Variants in UNC13B observed in about 807,000 individuals in gnomAD.
The protein encoded by UNC13B is protein unc-13 homolog B.
A neutral mutation model predicts 211.0 loss-of-function variants in UNC13B; 144 were observed. The ratio of observed to expected loss-of-function variants is 0.68; its 90% CI spans 0.60 to 0.78. The LOEUF (loss-of-function observed/expected upper bound fraction) is 0.78. UNC13B is among the 30% of genes least tolerant of loss of function. The probability of loss-of-function intolerance (pLI) is 0.00; values close to 1 mark genes in which losing one functional copy is unlikely to be tolerated. For missense variants in UNC13B, 1,777 were observed against 2,002.0 expected (o/e 0.89, Z 2.14); for synonymous variants, 709 against 725.8 (o/e 0.98, Z 0.37).
intron 11 of UNC13B, among the ~76,000 whole-genome samples, chr9:35,320,399 C>T (rs1351887410): frequency 2.0e-5 from 3 of 152,140 alleles, no homozygotes; most frequent in African/African-American, 4.8e-5. Context: ...AGGGAGTGTA[C>T]CAATTTATAC....
rs1419839403 is a variant in UNC13B at position 35,167,493 on chromosome 9, A to G, written c.22+5188A>G. Among the ~76,000 whole-genome samples, 3 of 152,054 alleles carry G rather than the reference A, an allele frequency of 2.0e-5. 1 individual carries two copies. Among genetic ancestry groups the G allele is most frequent in the Non-Finnish European group, 4.4e-5 (3 of 68,000 alleles). The stretch of plus-strand genomic sequence containing the variant: ...TGGCTGCAGAGTATTCTGTTATATA[A>G]GCATACATAATTTAAACAGTTTTAT... On this transcript the variant is annotated intron_variant, in intron 1 of 39. Transcript: ENST00000635942.
intron 7 of UNC13B, among the ~76,000 whole-genome samples, chr9:35,266,912 T>C (rs1377527238): frequency 6.6e-6 from 1 of 152,234 alleles, no homozygotes; most frequent in Non-Finnish European, 1.5e-5. Context: ...AAGTGATCTT[T>C]GTGGTTTTAA....
intron 26 of UNC13B, 79 bp downstream of exon 26, chr9:35,390,793 C>A: frequency 7.3e-7 from 1 of 1,374,672 alleles, no homozygotes; most frequent in South Asian, 1.3e-5. Context: ...CTCTTCTAGA[C>A]AACTACAAGT....
At chr9:35,211,668 C>T (rs920949517) in intron 1 of UNC13B, among the ~76,000 whole-genome samples, 1 of 152,148 alleles carries the variant, frequency 6.6e-6, no homozygotes, top group Non-Finnish European at 1.5e-5. Flanking sequence ...AATTGCCCTC[C>T]CTAAAGACTG....
chr9:35,201,834 C>T (rs558768143), intron 1 of UNC13B, among the ~76,000 whole-genome samples: 2 of 151,972 alleles, frequency 1.3e-5, no homozygotes, highest in Non-Finnish European at 1.5e-5. Flanking sequence ...GTGTCTCTAT[C>T]TCCTTCAGTT....
At chr9:35,215,001 A>T (rs1432682441) in intron 1 of UNC13B, among the ~76,000 whole-genome samples, 1 of 152,214 alleles carries the variant, frequency 6.6e-6, no homozygotes, top group Non-Finnish European at 1.5e-5. Flanking sequence ...GAATAAGTGA[A>T]AAATTGAACA....
At chr9:35,297,416 C>G (rs1829421098) in intron 8 of UNC13B, among the ~76,000 whole-genome samples, 1 of 148,576 alleles carries the variant, frequency 6.7e-6, no homozygotes, top group African/African-American at 2.5e-5. Flanking sequence ...AGAGTGCAGG[C>G]CAGTTGTTTT....
chr9:35,255,470 C>G (rs906748828), intron 6 of UNC13B, among the ~76,000 whole-genome samples: 4 of 152,068 alleles, frequency 2.6e-5, no homozygotes, highest in African/African-American at 9.7e-5. Flanking sequence ...GTGCAGGAGA[C>G]TGCAGTTTTA....
intron 7 of UNC13B, among the ~76,000 whole-genome samples, chr9:35,271,976 G>A (rs1302662131): frequency 6.6e-6 from 1 of 152,120 alleles, no homozygotes; most frequent in Admixed American, 6.5e-5. Flanking sequence ...GAAGATTTAT[G>A]TATAGGTTTT....
intron 7 of UNC13B, among the ~76,000 whole-genome samples, chr9:35,282,938 A>G (rs1828588460): frequency 6.6e-6 from 1 of 152,124 alleles, no homozygotes; most frequent in African/African-American, 2.4e-5. Context: ...TTTCCTGTAA[A>G]TTGTAGTTGC....
At chr9:35,390,125 A>T in intron 25 of UNC13B, 152 bp downstream of exon 25, 1 of 1,431,448 alleles carries the variant, frequency 7.0e-7, no homozygotes, top group African/African-American at 1.4e-5. Context: ...TGTCTGGGTA[A>T]CTGTTTCTGG....
intron 1 of UNC13B, among the ~76,000 whole-genome samples, chr9:35,188,430 A>T (rs1476736695): frequency 6.6e-6 from 1 of 152,230 alleles, no homozygotes; most frequent in Non-Finnish European, 1.5e-5. Flanking sequence ...ATATACTTAG[A>T]CATTAGAATT....
At chr9:35,381,961 A>G (rs1468163357) in intron 20 of UNC13B, among the ~76,000 whole-genome samples, 4 of 152,230 alleles carry the variant, frequency 2.6e-5, no homozygotes, top group Non-Finnish European at 4.4e-5. Flanking sequence ...CTCTGCAGGG[A>G]AAGAGGCATG....
intron 12 of UNC13B, among the ~76,000 whole-genome samples, chr9:35,367,541 G>T (rs1209567623): frequency 6.6e-6 from 1 of 152,004 alleles, no homozygotes; most frequent in Admixed American, 6.6e-5. Flanking sequence ...TTTAAAATGT[G>T]CAATAAATTG....
At chr9:35,289,971 G>T (rs1829007115) in intron 7 of UNC13B, among the ~76,000 whole-genome samples, 1 of 151,964 alleles carries the variant, frequency 6.6e-6, no homozygotes. Context: ...GTGAGACTCT[G>T]TCTCAAAAAA....
intron 4 of UNC13B, among the ~76,000 whole-genome samples, 180 bp downstream of exon 4, chr9:35,236,766 T>C (rs557586673): frequency 6.6e-6 from 1 of 152,344 alleles, no homozygotes; most frequent in East Asian, 1.9e-4. Flanking sequence ...ATTTTATTTA[T>C]GTCTGGCCTA....
chr9:35,178,266 T>C (rs958860823), intron 1 of UNC13B, among the ~76,000 whole-genome samples: 14 of 152,302 alleles, frequency 9.2e-5, no homozygotes, highest in African/African-American at 3.4e-4. Flanking sequence ...CTCAGCATTA[T>C]TGGGAGGCCA....
At chr9:35,244,320 T>C (rs562151273) in intron 6 of UNC13B, among the ~76,000 whole-genome samples, 53 of 152,310 alleles carry the variant, frequency 3.5e-4, no homozygotes, top group Admixed American at 3.4e-3. Context: ...TTGGATTTGG[T>C]GATTGATGAC....
At chr9:35,330,926 G>C (rs143481278) in intron 11 of UNC13B, among the ~76,000 whole-genome samples, 108 of 152,284 alleles carry the variant, frequency 7.1e-4, no homozygotes, top group Admixed American at 1.2e-3. Flanking sequence ...AGAGAAAAGG[G>C]TATCAGATAC....
Sources: gnomAD v4.1 joint callset for allele counts (sites outside exome capture counted in the v4.1 genomes callset) on GRCh38, gnomAD v4.1.1 for gene constraint, MANE v1.5 for transcripts, NCBI Gene and HGNC (gene_info 2026-07-23, HGNC 2026-07-21) for gene names.